The following CHAF1B variants were observed in gnomAD, a reference collection of about 807,000 sequenced individuals.
The protein encoded by CHAF1B is chromatin assembly factor 1 subunit B, also known as CAF-1 subunit B.
Under a neutral mutation model 60.7 loss-of-function variants are expected in CHAF1B, and 10 were observed. That is an observed-to-expected ratio of 0.16 (90% CI 0.10 to 0.28). The LOEUF is 0.28. CHAF1B is among the 10% of genes least tolerant of loss of function. The pLI, the probability that CHAF1B is intolerant of heterozygous loss-of-function variation, is 1.00. For missense variants in CHAF1B, 558 were observed against 708.4 expected, an observed-to-expected ratio of 0.79 and a Z score of 2.41; for synonymous variants, 261 against 266.1, an observed-to-expected ratio of 0.98 and a Z score of 0.19.
chr21:36,386,627 G>A (rs924574064), intron 2 of CHAF1B, among the ~76,000 whole-genome samples: 1 of 152,140 alleles, frequency 6.6e-6, no homozygotes. Flanking sequence ...ATTAACGTAT[G>A]TCAACAAACT....
Position 36,411,755 on chromosome 21 carries a change from G to C in CHAF1B, c.1061+151G>C, listed in dbSNP as rs2086279895. 5 of 898,850 alleles carry C rather than the reference G, an allele frequency of 5.6e-6. No homozygotes were observed. In the South Asian group the frequency reaches 8.3e-5, roughly 15 times the overall value. 55.7% of individuals were successfully genotyped at this position (898,850 alleles called of 1,614,324 possible). Reference sequence around the variant, plus strand: ...TTCTTATTTATTTTTTTGAGACCAAGTATCACTCTGTCACCCGGGCTGGAG... The same window carrying C: ...TTCTTATTTATTTTTTTGAGACCAACTATCACTCTGTCACCCGGGCTGGAG... On this transcript the variant is annotated intron_variant, in intron 11 of 13. Transcript: ENST00000314103.
rs777079304 is a variant in CHAF1B at position 36,396,358 on chromosome 21, CAAAAAAAAAAAA to C, written c.482-1043_482-1032del. ...TGTTACTGAACCTCACCAAAAACCT[CAAAAAAAAAAAA>C]AAAAAAAAAAAAAGAATGACTTGTC... On this transcript the variant is annotated intron_variant, in intron 5 of 13. Coordinates refer to ENST00000314103, the MANE Select transcript of CHAF1B (RefSeq NM_005441.3). Among the ~76,000 whole-genome samples the C allele has an allele frequency of 7.6e-5, 4 of 52,834 alleles. No individual in the cohort carries two copies. In the East Asian group the frequency reaches 2.8e-3, roughly 37 times the overall value. The allele number at this position is 52,834 out of a possible 152,430, so 34.7% of individuals were successfully genotyped here.
intron 3 of CHAF1B, among the ~76,000 whole-genome samples, chr21:36,388,471 T>G (rs2086054162): frequency 8.3e-6 from 1 of 120,762 alleles, no homozygotes; most frequent in South Asian, 2.2e-4. Context: ...TTTGGGAGTT[T>G]TTTTTTTTTT....
intron 8 of CHAF1B, among the ~76,000 whole-genome samples, chr21:36,404,285 G>A (rs1015547534): frequency 1.3e-5 from 2 of 150,564 alleles, no homozygotes; most frequent in African/African-American, 4.9e-5. Flanking sequence ...ATTTTTAGTA[G>A]AGACGGGGTT....
At chr21:36,412,833 A>T (rs566248586) in intron 11 of CHAF1B, 51 bp from the exon 12 acceptor site, 1 of 1,543,082 alleles carries the variant, frequency 6.5e-7, no homozygotes, top group Admixed American at 1.9e-5. Context: ...TTCTAAGTAG[A>T]TGTGAGAGTG....
chr21:36,413,126 C>G lies in CHAF1B; in HGVS notation c.1304C>G (p.Pro435Arg), dbSNP rs1220170901. 6.2e-7 allele frequency: 1 copy of G among 1,613,974 alleles called. No individual in the cohort carries two copies. Among genetic ancestry groups the G allele is most frequent in the Non-Finnish European group, 8.5e-7 (1 of 1,180,002 alleles). ...CCCAGCAGCCCCGGCACGACTCCCC[C>G]TCAGGCCAGACAGGCCCCAGCCCCA... ...QDPSSPGTTP[P>R]QARQAPAPTV... is the part of the protein sequence containing the mutation. The change falls in exon 12 of 14, where the codon CCT becomes CGT. Residue 435 changes from proline to arginine, a missense_variant. Transcript: ENST00000314103.
At chr21:36,400,957 C>T (rs2086182821) in intron 7 of CHAF1B, among the ~76,000 whole-genome samples, 1 of 152,010 alleles carries the variant, frequency 6.6e-6, no homozygotes, top group Admixed American at 6.6e-5. Flanking sequence ...ACTGAGAGGT[C>T]ACACCTGTGA....
At chr21:36,385,974 G>A in intron 1 of CHAF1B, 86 bp from the exon 2 acceptor site, 1 of 712,928 alleles carries the variant, frequency 1.4e-6, no homozygotes, top group East Asian at 2.6e-5. Context: ...TCCCAATGCA[G>A]TGTGCATTTT....
chr21:36,407,055 A>T (rs2086243109), intron 8 of CHAF1B, among the ~76,000 whole-genome samples: 1 of 152,176 alleles, frequency 6.6e-6, no homozygotes, highest in African/African-American at 2.4e-5. Context: ...TAATCCCAGC[A>T]CTCTGGGAGG....
At chr21:36,411,890 G>A (rs2086280933) in intron 11 of CHAF1B, among the ~76,000 whole-genome samples, 1 of 152,056 alleles carries the variant, frequency 6.6e-6, no homozygotes, top group Admixed American at 6.5e-5. Context: ...CACTACGCCT[G>A]GCTAATTCTT....
intron 4 of CHAF1B, among the ~76,000 whole-genome samples, chr21:36,394,139 C>T (rs145346949): frequency 0.02 from 3,012 of 148,844 alleles, 55 homozygotes; most frequent in Admixed American, 0.044. Flanking sequence ...TGTAGTGGCG[C>T]GATCTTGGCT....
At chr21:36,404,096 C>CTTT (rs938306527) in intron 8 of CHAF1B, among the ~76,000 whole-genome samples, 25 of 129,732 alleles carry the variant, frequency 1.9e-4, no homozygotes, top group East Asian at 4.2e-4. Flanking sequence ...GTAATAAATC[C>CTTT]TTTTTTTTTT....
At chr21:36,391,937 T>TTA (rs869028322) in intron 4 of CHAF1B, among the ~76,000 whole-genome samples, 1 of 137,508 alleles carries the variant, frequency 7.3e-6, no homozygotes, top group African/African-American at 2.8e-5. Flanking sequence ...TTTTTTTTTT[T>TTA]AGTATTTATT....
intron 7 of CHAF1B, among the ~76,000 whole-genome samples, chr21:36,400,351 ATC>A (rs2086177531): frequency 6.6e-6 from 1 of 151,780 alleles, no homozygotes; most frequent in Non-Finnish European, 1.5e-5. Context: ...CATGCATGTG[ATC>A]CCAGCTATTC....
At chr21:36,391,189 C>G (rs944048891) in intron 3 of CHAF1B, among the ~76,000 whole-genome samples, 2 of 152,132 alleles carry the variant, frequency 1.3e-5, no homozygotes, top group Non-Finnish European at 2.9e-5. Flanking sequence ...TTGTATAGCT[C>G]TGATCTGTTA....
At chr21:36,394,080 AT>A (rs773818038) in intron 4 of CHAF1B, among the ~76,000 whole-genome samples, 323 of 124,844 alleles carry the variant, frequency 2.6e-3, no homozygotes, top group African/African-American at 4.1e-3. Flanking sequence ...TTTTTGGCTA[AT>A]TTTTTTTTTT....
intron 13 of CHAF1B, chr21:36,415,839 A>G: frequency 2.8e-6 from 1 of 359,418 alleles, no homozygotes; most frequent in Non-Finnish European, 5.4e-6. Flanking sequence ...TGCAGCCTCC[A>G]CCTCCCACGT....
Position 36,386,270 on chromosome 21 carries a change from G to A in CHAF1B, c.126+8G>A, listed in dbSNP as rs536115732. 3 of 1,613,328 alleles carry A rather than the reference G, an allele frequency of 1.9e-6. No homozygotes were observed. The Admixed American group carries it at 5.0e-5, about 27-fold the overall frequency. On this transcript the variant is annotated splice_region_variant and intron_variant, in intron 2 of 13. Coordinates refer to ENST00000314103, the MANE Select transcript of CHAF1B (RefSeq NM_005441.3). Reference sequence around the variant, plus strand: ...GTGGACACCAATGTCAGGGTAAACTGGGGCAGAGATAGACATCCGGGAACA... The same window carrying A: ...GTGGACACCAATGTCAGGGTAAACTAGGGCAGAGATAGACATCCGGGAACA...
rs1248127519 is a variant in CHAF1B at position 36,417,563 on chromosome 21, C to T, written c.*1197C>T. On this transcript the variant is annotated 3_prime_UTR_variant, in exon 14 of 14. Transcript: ENST00000314103. ...CAAGCTGGTCTCTAACTCCTGACCT[C>T]AGATGATCTGCCTGCCTCGGCCTCC... 2 of 152,136 alleles carry T rather than the reference C, an allele frequency of 1.3e-5. No homozygotes were observed. Among genetic ancestry groups the T allele is most frequent in the East Asian group, 3.9e-4 (2 of 5,182 alleles). 9.4% of individuals were successfully genotyped at this position (152,136 alleles called of 1,614,324 possible).
Sources: allele counts gnomAD v4.1 joint callset (sites outside exome capture counted in the v4.1 genomes callset), GRCh38; gene constraint gnomAD v4.1.1; transcripts MANE v1.5; gene names NCBI Gene and HGNC (gene_info 2026-07-23, HGNC 2026-07-21).